The following GGNBP2 variants were observed in gnomAD, a reference collection of about 807,000 sequenced individuals.
The protein encoded by GGNBP2 is gametogenetin binding protein 2.
GGNBP2 carries 10 observed loss-of-function variants against 85.9 expected under a neutral mutation model. The observed-to-expected ratio is 0.12, with a 90% CI of 0.07 to 0.20. The LOEUF is 0.20. Ranked by LOEUF, GGNBP2 falls within the 10% of genes least tolerant of loss-of-function variation. GGNBP2 has a pLI of 1.00. For synonymous variants in GGNBP2, 287 were observed against 285.7 expected (o/e 1.00, Z -0.05); for missense variants, 595 against 857.8 (o/e 0.69, Z 3.83).
intron 6 of GGNBP2, chr17:36,577,005 G>A (rs945750483): frequency 6.6e-6 from 1 of 152,168 alleles, no homozygotes; most frequent in African/African-American, 2.4e-5. Context: ...AGATTTGAAT[G>A]GAGCTGTAGA....
At chr17:36,551,395 G>A (rs1020133535) in intron 2 of GGNBP2, among the ~76,000 whole-genome samples, 1 of 151,626 alleles carries the variant, frequency 6.6e-6, no homozygotes, top group African/African-American at 2.4e-5. Flanking sequence ...GTACAGACAG[G>A]GTTTCTCCAT....
chr17:36,578,375 C>G (rs1286868582), intron 7 of GGNBP2, 189 bp downstream of exon 7: 1 of 538,760 alleles, frequency 1.9e-6, no homozygotes, highest in African/African-American at 1.9e-5. Context: ...AAAAACTGTT[C>G]TCTGGTGTTT....
intron 2 of GGNBP2, among the ~76,000 whole-genome samples, chr17:36,554,202 G>A (rs758308178): frequency 3.3e-5 from 5 of 150,406 alleles, no homozygotes; most frequent in South Asian, 2.1e-4. Context: ...CCAGCTACTC[G>A]CGAGGCTGAG....
At chr17:36,545,580 G>A in intron 1 of GGNBP2, 39 bp from the exon 2 acceptor site, 1 of 635,686 alleles carries the variant, frequency 1.6e-6, no homozygotes, top group Non-Finnish European at 2.8e-6. Context: ...GTGCTGCGCA[G>A]CGGCGGGTGC....
At chr17:36,563,484 C>G (rs985718280) in intron 5 of GGNBP2, among the ~76,000 whole-genome samples, 2 of 151,802 alleles carry the variant, frequency 1.3e-5, no homozygotes, top group African/African-American at 2.4e-5. Context: ...ACATGCATCT[C>G]TAAATATATG....
Position 36,560,830 on chromosome 17 carries a change from T to G in GGNBP2, c.486T>G (p.Cys162Trp). ...CAAAAAGTAAGAAGAATAAGAGATG[T>G]CAGTTGCACTCCTTAGATACGCACA... ...AIPKSKKNKR[C>W]QLHSLDTHKP... The change falls in exon 5 of 14, where the codon TGT becomes TGG. Residue 162 changes from cysteine to tryptophan, a missense_variant. Transcript: ENST00000613102. 6.2e-7 allele frequency: 1 copy of G among 1,604,372 alleles called. No individual in the cohort carries two copies. The highest frequency in any genetic ancestry group is 8.5e-7 in the Non-Finnish European group (1 of 1,175,432).
intron 6 of GGNBP2, 24 bp downstream of exon 6, chr17:36,567,800 A>G: frequency 7.8e-7 from 1 of 1,282,168 alleles, no homozygotes; most frequent in South Asian, 1.2e-5. Flanking sequence ...TTGTTCCAGT[A>G]TAATGTGGAA....
At chr17:36,581,811 A>C (rs1354034961) in intron 9 of GGNBP2, 1 of 240,760 alleles carries the variant, frequency 4.2e-6, no homozygotes, top group Non-Finnish European at 7.8e-6. Flanking sequence ...TAGATACCAA[A>C]ATCTGCAGAT....
chr17:36,579,443 T>A (rs746043407), intron 8 of GGNBP2, 24 bp downstream of exon 8: 1 of 1,602,606 alleles, frequency 6.2e-7, no homozygotes, highest in East Asian at 2.2e-5. Flanking sequence ...GCTGTTCCAG[T>A]ATCTCAGATT....
intron 4 of GGNBP2, among the ~76,000 whole-genome samples, chr17:36,558,072 A>G (rs2074380314): frequency 6.7e-6 from 1 of 149,690 alleles, no homozygotes; most frequent in Admixed American, 6.7e-5. Flanking sequence ...AGATCACGCC[A>G]CTGCAGTCCA....
At chr17:36,581,255 A>T in intron 8 of GGNBP2, 89 bp from the exon 9 acceptor site, 1 of 856,098 alleles carries the variant, frequency 1.2e-6, no homozygotes, top group Non-Finnish European at 1.8e-6. Flanking sequence ...ACTGCACTCC[A>T]GTCTGGGCGA....
At chr17:36,575,360 T>A (rs1054959926) in intron 6 of GGNBP2, 2 of 351,428 alleles carry the variant, frequency 5.7e-6, no homozygotes, top group African/African-American at 4.3e-5. Flanking sequence ...TATTTTTGTT[T>A]TTGTTGTGCA....
intron 2 of GGNBP2, among the ~76,000 whole-genome samples, chr17:36,552,059 A>G (rs1446798727): frequency 6.6e-6 from 1 of 152,156 alleles, no homozygotes; most frequent in Non-Finnish European, 1.5e-5. Context: ...GATAATTGTC[A>G]TTTTTTATTA....
Position 36,587,077 on chromosome 17 carries a change from T to A in GGNBP2, c.1722T>A (p.Arg574=), listed in dbSNP as rs1366844264. 6.8e-6 allele frequency: 11 copies of A among 1,614,034 alleles called. No homozygotes were observed. The highest frequency in any genetic ancestry group is 9.3e-6 in the Non-Finnish European group (11 of 1,180,032). ...SGNTMHTVFH[R]DKTKDTHPES... Reference sequence around the variant, plus strand: ...ATACCATGCACACAGTGTTTCACCGTGACAAGACCAAAGATACACATCCTG... The same window carrying A: ...ATACCATGCACACAGTGTTTCACCGAGACAAGACCAAAGATACACATCCTG... The change falls in exon 13 of 14, where the codon CGT becomes CGA. Residue 574 remains arginine (R), a synonymous_variant. Transcript: ENST00000613102.
chr17:36,567,075 A>G (rs1056804752), intron 5 of GGNBP2, among the ~76,000 whole-genome samples: 1 of 152,106 alleles, frequency 6.6e-6, no homozygotes, highest in South Asian at 2.1e-4. Context: ...AGAATTTTCA[A>G]TTTGTGGAAG....
intron 3 of GGNBP2, among the ~76,000 whole-genome samples, chr17:36,556,076 C>T (rs146223980): frequency 7.2e-5 from 11 of 152,236 alleles, no homozygotes; most frequent in East Asian, 3.9e-4. Context: ...CTTTCCTATC[C>T]GTTTTTGGCA....
At position 36,579,247 on chromosome 17, in the gene GGNBP2, G is replaced by C; in HGVS notation, c.848G>C (p.Arg283Pro). ...GRAEPEFAGGRRERHAKTIDI... is the reference protein window; with the variant it reads ...GRAEPEFAGGPRERHAKTIDI... ...TGTGTGATTATTCCCTTTTATAGGC[G>C]AAGAGAAAGGCATGCAAAGACAATA... The change falls in exon 8 of 14, where the codon CGA becomes CCA. Residue 283 changes from arginine (R) to proline (P), a missense_variant and splice_region_variant. Arg to Pro is a moderately radical substitution (Grantham distance 103). Coordinates refer to ENST00000613102, the MANE Select transcript of GGNBP2 (RefSeq NM_024835.5). 1 of 1,613,166 alleles carries C rather than the reference G, an allele frequency of 6.2e-7. No individual in the cohort carries two copies. Among genetic ancestry groups the C allele is most frequent in the Non-Finnish European group, 8.5e-7 (1 of 1,179,214 alleles).
intron 8 of GGNBP2, among the ~76,000 whole-genome samples, chr17:36,579,785 C>T (rs1213179063): frequency 2.0e-5 from 3 of 152,018 alleles, no homozygotes; most frequent in African/African-American, 7.3e-5. Context: ...ACGAGGCAGG[C>T]GGATCACCTG....
intron 2 of GGNBP2, among the ~76,000 whole-genome samples, chr17:36,550,430 A>G (rs2074298046): frequency 6.6e-6 from 1 of 151,942 alleles, no homozygotes; most frequent in Non-Finnish European, 1.5e-5. Flanking sequence ...TCCACTTGGG[A>G]ATTAGATGTT....
Sources: allele counts gnomAD v4.1 joint callset (sites outside exome capture counted in the v4.1 genomes callset), GRCh38; gene constraint gnomAD v4.1.1; transcripts MANE v1.5; gene names NCBI Gene and HGNC (gene_info 2026-07-23, HGNC 2026-07-21).